The following PDE4B variants were observed in gnomAD, a reference collection of about 807,000 sequenced individuals.
PDE4B encodes phosphodiesterase 4B.
Under a neutral mutation model 82.2 loss-of-function variants are expected in PDE4B, and 20 were observed. That is an observed-to-expected ratio of 0.24 (90% CI 0.17 to 0.35). The LOEUF is 0.35. Ranked by LOEUF, PDE4B falls within the 10% of genes least tolerant of loss-of-function variation. PDE4B has a pLI of 1.00. For synonymous variants in PDE4B, 320 were observed against 318.9 expected, an observed-to-expected ratio of 1.00 and a Z score of -0.04; for missense variants, 655 against 907.2, an observed-to-expected ratio of 0.72 and a Z score of 3.57.
intron 3 of PDE4B, among the ~76,000 whole-genome samples, chr1:66,111,819 A>T: frequency 6.6e-6 from 1 of 151,984 alleles, no homozygotes; most frequent in East Asian, 1.9e-4. Context: ...TAGATTAGGT[A>T]TTTTTGTCTT....
At chr1:66,222,329 C>G (rs1651058406) in intron 3 of PDE4B, among the ~76,000 whole-genome samples, 1 of 152,222 alleles carries the variant, frequency 6.6e-6, no homozygotes, top group Non-Finnish European at 1.5e-5. Flanking sequence ...TGTAATATCT[C>G]TTTCTGAACT....
At chr1:66,297,871 C>A (rs1047250900) in intron 7 of PDE4B, among the ~76,000 whole-genome samples, 1 of 151,986 alleles carries the variant, frequency 6.6e-6, no homozygotes, top group African/African-American at 2.4e-5. Flanking sequence ...GTTAAATGAT[C>A]CAATTTATTA....
chr1:66,066,336 C>T (rs1655846480), intron 3 of PDE4B, among the ~76,000 whole-genome samples: 1 of 151,708 alleles, frequency 6.6e-6, no homozygotes, highest in South Asian at 2.1e-4. Flanking sequence ...CATGTAGATA[C>T]AGAAAAAGCT....
intron 3 of PDE4B, among the ~76,000 whole-genome samples, chr1:66,126,455 C>A (rs1283705655): frequency 2.6e-5 from 4 of 152,114 alleles, no homozygotes; most frequent in African/African-American, 9.7e-5. Flanking sequence ...TCCATGATGC[C>A]ATTAACTCAT....
intron 3 of PDE4B, among the ~76,000 whole-genome samples, chr1:66,182,318 A>G (rs1387908504): frequency 6.6e-6 from 1 of 152,110 alleles, no homozygotes; most frequent in Non-Finnish European, 1.5e-5. Context: ...ATTTGGCTTT[A>G]TTATTGTTTT....
chr1:66,355,435 C>G, intron 8 of PDE4B, 92 bp from the exon 9 acceptor site: 1 of 709,514 alleles, frequency 1.4e-6, no homozygotes. Context: ...CTCATCCAAC[C>G]TCTTGATTCC....
At chr1:66,264,430 T>G (rs1049897614) in intron 6 of PDE4B, among the ~76,000 whole-genome samples, 1 of 152,234 alleles carries the variant, frequency 6.6e-6, no homozygotes, top group South Asian at 2.1e-4. Flanking sequence ...TGTGTCAGTA[T>G]GTTTCTTAAA....
intron 1 of PDE4B, among the ~76,000 whole-genome samples, chr1:65,818,345 A>G (rs1277904792): frequency 2.6e-5 from 4 of 152,088 alleles, no homozygotes; most frequent in Non-Finnish European, 5.9e-5. Context: ...TAATTTTCCT[A>G]GAGAGCTGTG....
At chr1:66,297,400 T>G (rs147149882) in intron 7 of PDE4B, among the ~76,000 whole-genome samples, 7 of 152,284 alleles carry the variant, frequency 4.6e-5, no homozygotes, top group Non-Finnish European at 1.0e-4. Flanking sequence ...TTCATCAGCA[T>G]GCAGACATCC....
chr1:66,312,785 A>G (rs1012641844), intron 7 of PDE4B, among the ~76,000 whole-genome samples: 1 of 152,200 alleles, frequency 6.6e-6, no homozygotes, highest in Non-Finnish European at 1.5e-5. Flanking sequence ...GAACACAGCC[A>G]TTTGTTTATT....
chr1:66,135,309 C>T (rs1488492248), intron 3 of PDE4B, among the ~76,000 whole-genome samples: 1 of 152,080 alleles, frequency 6.6e-6, no homozygotes, highest in African/African-American at 2.4e-5. Context: ...AGTTTTATAC[C>T]ATCAGATTTT....
At chr1:66,316,959 G>A (rs1472714476) in intron 7 of PDE4B, among the ~76,000 whole-genome samples, 1 of 152,180 alleles carries the variant, frequency 6.6e-6, no homozygotes, top group Non-Finnish European at 1.5e-5. Context: ...GGAGAAATTG[G>A]CCAAAGGAAA....
intron 3 of PDE4B, among the ~76,000 whole-genome samples, chr1:66,100,927 A>G (rs917775963): frequency 6.6e-5 from 10 of 152,140 alleles, no homozygotes; most frequent in Admixed American, 1.3e-4. Context: ...GGTGTGTTGT[A>G]CCCATTAACT....
At chr1:66,233,674 C>G (rs1652170389) in intron 3 of PDE4B, among the ~76,000 whole-genome samples, 1 of 147,604 alleles carries the variant, frequency 6.8e-6, no homozygotes, top group African/African-American at 2.6e-5. Flanking sequence ...ATGCCGTTTA[C>G]CTGGTTGATA....
intron 3 of PDE4B, among the ~76,000 whole-genome samples, chr1:66,203,921 C>T (rs1649281667): frequency 1.3e-5 from 2 of 152,222 alleles, no homozygotes; most frequent in Admixed American, 6.5e-5. Flanking sequence ...AGGAGAGGTG[C>T]TCTGCTTTTT....
At chr1:65,887,328 CT>C (rs1227488939) in intron 1 of PDE4B, among the ~76,000 whole-genome samples, 2 of 74,170 alleles carry the variant, frequency 2.7e-5, no homozygotes, top group African/African-American at 1.1e-4. Flanking sequence ...TTCCTTCCTT[CT>C]TTTCTTTCAT....
chr1:66,164,745 C>CT (rs1287227927), intron 3 of PDE4B, among the ~76,000 whole-genome samples: 2 of 128,770 alleles, frequency 1.6e-5, no homozygotes, highest in African/African-American at 3.0e-5. Context: ...TTTTCTTTTT[C>CT]TTTTCTTTTC....
At chr1:65,890,190 T>C (rs1646838250) in intron 1 of PDE4B, among the ~76,000 whole-genome samples, 1 of 151,842 alleles carries the variant, frequency 6.6e-6, no homozygotes, top group African/African-American at 2.4e-5. Context: ...TATTTTAAAG[T>C]TTTAGGTTGA....
chr1:66,291,367 C>G (rs1315519050), intron 7 of PDE4B, among the ~76,000 whole-genome samples: 1 of 152,136 alleles, frequency 6.6e-6, no homozygotes, highest in East Asian at 1.9e-4. Context: ...TTAACAAGTA[C>G]AGTATAATGG....
Sources: allele counts gnomAD v4.1 joint callset (sites outside exome capture counted in the v4.1 genomes callset), GRCh38; gene constraint gnomAD v4.1.1; transcripts MANE v1.5; gene names NCBI Gene and HGNC (gene_info 2026-07-23, HGNC 2026-07-21).